The following PCDH15 variants were observed in gnomAD, a reference collection of about 807,000 sequenced individuals.
The protein encoded by PCDH15 is protocadherin-15.
In PCDH15, 129 loss-of-function variants were observed where a neutral mutation model predicts 178.5. The observed-to-expected ratio is 0.72, with a 90% CI of 0.63 to 0.84. The LOEUF (loss-of-function observed/expected upper bound fraction) is 0.84, where lower values mean the gene tolerates loss of function less well. PCDH15 is among the 40% of genes least tolerant of loss of function. The pLI is 0.00. For synonymous variants in PCDH15, 800 were observed against 732.0 expected, an observed-to-expected ratio of 1.09 and a Z score of -1.50; for missense variants, 2,230 against 2,099.9, an observed-to-expected ratio of 1.06 and a Z score of -1.21.
At chr10:54,527,028 G>A (rs1173394910) in intron 3 of PCDH15, among the ~76,000 whole-genome samples, 1 of 152,110 alleles carries the variant, frequency 6.6e-6, no homozygotes, top group Non-Finnish European at 1.5e-5. Context: ...CTTAATGGAA[G>A]AGTCTATCAT....
At chr10:55,355,971 C>T (rs902889497) in intron 2 of PCDH15, among the ~76,000 whole-genome samples, 4 of 151,806 alleles carry the variant, frequency 2.6e-5, no homozygotes, top group African/African-American at 4.8e-5. Context: ...GCTACTTTAT[C>T]GAACATCACA....
intron 2 of PCDH15, among the ~76,000 whole-genome samples, chr10:55,544,778 G>T (rs751434592): frequency 6.6e-6 from 1 of 152,086 alleles, no homozygotes; most frequent in Non-Finnish European, 1.5e-5. Context: ...GTGCACATAT[G>T]CAGACACACA....
At chr10:55,413,800 G>A (rs981210494) in intron 2 of PCDH15, among the ~76,000 whole-genome samples, 1 of 151,046 alleles carries the variant, frequency 6.6e-6, no homozygotes, top group South Asian at 2.1e-4. Flanking sequence ...AAGTTAGCTC[G>A]GAAATATTTT....
At chr10:53,814,720 C>A (rs1186772804) in intron 35 of PCDH15, among the ~76,000 whole-genome samples, 1 of 152,054 alleles carries the variant, frequency 6.6e-6, no homozygotes, top group Non-Finnish European at 1.5e-5. Flanking sequence ...ACTCCCAGCA[C>A]TTTGGGAGGC....
intron 2 of PCDH15, among the ~76,000 whole-genome samples, chr10:54,595,587 C>T (rs1275986786): frequency 6.6e-6 from 1 of 152,152 alleles, no homozygotes; most frequent in Non-Finnish European, 1.5e-5. Flanking sequence ...GCAAGAATTC[C>T]TAATGAGGCA....
At chr10:54,847,361 T>A (rs1339283669) in intron 3 of PCDH15, among the ~76,000 whole-genome samples, 1 of 152,220 alleles carries the variant, frequency 6.6e-6, no homozygotes, top group Non-Finnish European at 1.5e-5. Flanking sequence ...GTAGCCTTAA[T>A]ATGTACTTAA....
intron 2 of PCDH15, among the ~76,000 whole-genome samples, chr10:55,583,018 A>T (rs2132122803): frequency 6.6e-6 from 1 of 152,262 alleles, no homozygotes; most frequent in Non-Finnish European, 1.5e-5. Context: ...TTCCTTCTCC[A>T]TAAATTTTTG....
chr10:53,946,773 A>G (rs1224709959), intron 23 of PCDH15, among the ~76,000 whole-genome samples: 2 of 152,174 alleles, frequency 1.3e-5, no homozygotes, highest in Non-Finnish European at 2.9e-5. Context: ...AAACTAATTC[A>G]TACATATCCT....
chr10:55,150,612 A>G (rs1838683126), intron 2 of PCDH15, among the ~76,000 whole-genome samples: 1 of 152,194 alleles, frequency 6.6e-6, no homozygotes, highest in Admixed American at 6.6e-5. Flanking sequence ...TCTGTTTACC[A>G]GCAACTTATG....
chr10:54,112,175 T>C (rs1463327460), intron 15 of PCDH15, among the ~76,000 whole-genome samples: 2 of 151,726 alleles, frequency 1.3e-5, no homozygotes, highest in Non-Finnish European at 2.9e-5. Context: ...AATAAAGATC[T>C]TCTATTCTAC....
intron 2 of PCDH15, among the ~76,000 whole-genome samples, chr10:55,555,168 A>G (rs1452599678): frequency 1.3e-5 from 2 of 152,092 alleles, no homozygotes; most frequent in African/African-American, 2.4e-5. Context: ...ACCAGTAACT[A>G]CTATTTTAAG....
chr10:54,170,547 A>G (rs1191743807), intron 13 of PCDH15, among the ~76,000 whole-genome samples: 1 of 151,032 alleles, frequency 6.6e-6, no homozygotes, highest in Non-Finnish European at 1.5e-5. Context: ...CAGCTCCTTC[A>G]GCTATACTCA....
intron 2 of PCDH15, among the ~76,000 whole-genome samples, chr10:55,548,209 T>TGC (rs200277416): frequency 0.21 from 24,768 of 115,716 alleles, 2,294 homozygotes; most frequent in East Asian, 0.37. Flanking sequence ...AAATGCCTAA[T>TGC]GCACACACAC....
intron 2 of PCDH15, among the ~76,000 whole-genome samples, chr10:54,554,597 G>A (rs780740110): frequency 1.3e-5 from 2 of 152,106 alleles, no homozygotes; most frequent in Non-Finnish European, 2.9e-5. Context: ...CTGAAAATAG[G>A]TTGGACTTCC....
intron 2 of PCDH15, among the ~76,000 whole-genome samples, chr10:54,533,190 C>T (rs1301523184): frequency 6.6e-6 from 1 of 152,000 alleles, no homozygotes; most frequent in Non-Finnish European, 1.5e-5. Context: ...GTCATAGGAA[C>T]TTGTTTATAT....
chr10:55,043,715 AAAATAAAT>A (rs1283304327), intron 2 of PCDH15, among the ~76,000 whole-genome samples: 1 of 142,046 alleles, frequency 7.0e-6, no homozygotes, highest in Non-Finnish European at 1.5e-5. Context: ...GTCTAAATAG[AAAATAAAT>A]AAATAAATAA....
chr10:55,504,769 A>G (rs570843399), intron 2 of PCDH15, among the ~76,000 whole-genome samples: 3 of 151,524 alleles, frequency 2.0e-5, no homozygotes, highest in African/African-American at 7.2e-5. Flanking sequence ...TATCTTACAT[A>G]CAACATAATT....
chr10:55,272,636 C>G (rs1011803663), intron 1 of PCDH15, among the ~76,000 whole-genome samples: 1 of 151,936 alleles, frequency 6.6e-6, no homozygotes, highest in African/African-American at 2.4e-5. Context: ...GCCCGCCCAC[C>G]TCGGCCTCCC....
At chr10:54,640,313 C>G (rs1175755295) in intron 2 of PCDH15, among the ~76,000 whole-genome samples, 1 of 149,704 alleles carries the variant, frequency 6.7e-6, no homozygotes, top group Non-Finnish European at 1.5e-5. Context: ...TTTAGAAAAT[C>G]AGGGCAAAAC....
Sources: allele counts gnomAD v4.1 joint callset (sites outside exome capture counted in the v4.1 genomes callset), GRCh38; gene constraint gnomAD v4.1.1; transcripts MANE v1.5; gene names NCBI Gene and HGNC (gene_info 2026-07-23, HGNC 2026-07-21).